TEK: variants seen among roughly 807,000 people sequenced by gnomAD.
TEK encodes TEK receptor tyrosine kinase, also known as angiopoietin-1 receptor.
Under a neutral mutation model 131.8 loss-of-function variants are expected in TEK, and 43 were observed. That is an observed-to-expected ratio of 0.33 (90% CI 0.26 to 0.42). TEK has a LOEUF of 0.42. Ranked by LOEUF, TEK falls within the 10% of genes least tolerant of loss-of-function variation. The pLI is 1.00. For synonymous variants in TEK, 580 were observed against 491.6 expected (o/e 1.18, Z -2.38); for missense variants, 1,162 against 1,384.4 (o/e 0.84, Z 2.55).
At chr9:27,191,448 T>C (rs1451672927) in intron 10 of TEK, among the ~76,000 whole-genome samples, 2 of 152,186 alleles carry the variant, frequency 1.3e-5, no homozygotes, top group Non-Finnish European at 2.9e-5. Context: ...GCTGCTTCAA[T>C]TGGACTATTC....
rs1009323931 is a variant in TEK, at chr9:27,206,511, C to A, written c.2365-71C>A. 3.3e-5 allele frequency: 50 copies of A among 1,499,112 alleles called. 1 individual carries two copies. The Middle Eastern group carries it at 1.0e-3, about 31-fold the overall frequency. The allele number at this position is 1,499,112 out of a possible 1,614,324, so 92.9% of individuals were successfully genotyped here. ...TTTTTTCATCTGGTGTGGATGCCAACCAGAAGACATTATGCCCCTTAGAAT... is the reference window on the plus strand; with the variant it reads ...TTTTTTCATCTGGTGTGGATGCCAAACAGAAGACATTATGCCCCTTAGAAT... On this transcript the variant is annotated intron_variant, in intron 14 of 22. Transcript: ENST00000380036.
At chr9:27,207,869 C>CATATGTTTCTGATTAGA (rs2131217042) in intron 15 of TEK, among the ~76,000 whole-genome samples, 1 of 152,254 alleles carries the variant, frequency 6.6e-6, no homozygotes, top group South Asian at 2.1e-4. Context: ...TGATTAGAAA[C>CATATGTTTCTGATTAGA]AGCAATATGT....
intron 4 of TEK, among the ~76,000 whole-genome samples, chr9:27,172,271 C>A (rs1823986831): frequency 2.6e-5 from 4 of 152,158 alleles, no homozygotes; most frequent in African/African-American, 9.6e-5. Context: ...ATGCTGTCTT[C>A]CCATGCCTTG....
At chr9:27,214,923 G>GGCTT (rs1825763249) in intron 18 of TEK, among the ~76,000 whole-genome samples, 2 of 152,034 alleles carry the variant, frequency 1.3e-5, no homozygotes, top group African/African-American at 4.8e-5. Flanking sequence ...AGCAGGGGTG[G>GGCTT]GCTTGTTTTC....
intron 1 of TEK, among the ~76,000 whole-genome samples, chr9:27,115,493 T>G (rs1436965682): frequency 6.6e-6 from 1 of 150,802 alleles, no homozygotes; most frequent in Non-Finnish European, 1.5e-5. Context: ...AGCGAGACAT[T>G]GTCTCAAAAA....
At chr9:27,124,227 C>G (rs887286239) in intron 1 of TEK, among the ~76,000 whole-genome samples, 2 of 152,242 alleles carry the variant, frequency 1.3e-5, no homozygotes, top group African/African-American at 4.8e-5. Context: ...AACTCAGTGG[C>G]TAAACCAACA....
chr9:27,119,695 C>T (rs1821707461), intron 1 of TEK, among the ~76,000 whole-genome samples: 1 of 152,190 alleles, frequency 6.6e-6, no homozygotes, highest in Non-Finnish European at 1.5e-5. Flanking sequence ...TGCCAGCCCC[C>T]AGTTTCCTCT....
At chr9:27,164,906 A>G (rs1379515999) in intron 2 of TEK, among the ~76,000 whole-genome samples, 15 of 152,184 alleles carry the variant, frequency 9.9e-5, no homozygotes, top group African/African-American at 3.4e-4. Context: ...AAAGGTATTT[A>G]TCGTTTTTAT....
chr9:27,217,882 T>G (rs1825875868), intron 19 of TEK, 124 bp downstream of exon 19: 2 of 856,370 alleles, frequency 2.3e-6, no homozygotes, highest in Non-Finnish European at 3.8e-6. Context: ...ACTAAAAAGC[T>G]CAGGAAATAA....
chr9:27,197,636 A>G, intron 12 of TEK, 37 bp downstream of exon 12: 3 of 1,612,052 alleles, frequency 1.9e-6, no homozygotes, highest in East Asian at 2.2e-5. Flanking sequence ...CATCTGAGCA[A>G]TAAGGGGCTA....
chr9:27,187,260 C>A (rs1824633262), intron 9 of TEK, among the ~76,000 whole-genome samples: 1 of 152,148 alleles, frequency 6.6e-6, no homozygotes, highest in Non-Finnish European at 1.5e-5. Flanking sequence ...GACTGGCAGC[C>A]ATAAAATGTA....
chr9:27,141,300 C>T (rs1822714024), intron 1 of TEK, among the ~76,000 whole-genome samples: 1 of 151,654 alleles, frequency 6.6e-6, no homozygotes, highest in Non-Finnish European at 1.5e-5. Flanking sequence ...TTGATGTATA[C>T]ACCCTGTTTT....
At chr9:27,117,428 G>A (rs1489441436) in intron 1 of TEK, among the ~76,000 whole-genome samples, 2 of 152,110 alleles carry the variant, frequency 1.3e-5, no homozygotes, top group African/African-American at 2.4e-5. Flanking sequence ...TCCTTAACTC[G>A]TGTTACACCT....
chr9:27,136,682 G>C (rs1025296085), intron 1 of TEK, among the ~76,000 whole-genome samples: 3 of 152,156 alleles, frequency 2.0e-5, no homozygotes, highest in Admixed American at 2.0e-4. Context: ...AGTTTCTACA[G>C]AGGCAATGCA....
intron 1 of TEK, among the ~76,000 whole-genome samples, chr9:27,111,410 G>T (rs931967121): frequency 6.6e-6 from 1 of 152,134 alleles, no homozygotes; most frequent in Non-Finnish European, 1.5e-5. Flanking sequence ...AGCCATAGGA[G>T]CCCGTTCCTC....
intron 1 of TEK, among the ~76,000 whole-genome samples, chr9:27,110,384 C>T (rs1762074): frequency 0.94 from 143,287 of 152,166 alleles, 68,007 homozygotes; most frequent in East Asian, 1. Context: ...TTGGGTTCAG[C>T]GTGTTTATTG....
intron 1 of TEK, among the ~76,000 whole-genome samples, chr9:27,137,616 AT>A (rs1822521119): frequency 6.6e-6 from 1 of 152,114 alleles, no homozygotes; most frequent in South Asian, 2.1e-4. Context: ...ATCATTTTAT[AT>A]ATATTTTTAA....
At chr9:27,163,566 CA>C (rs1587538254) in intron 2 of TEK, among the ~76,000 whole-genome samples, 1 of 152,116 alleles carries the variant, frequency 6.6e-6, no homozygotes, top group East Asian at 1.9e-4. Context: ...GAATACAGTT[CA>C]AAGTGGCTGG....
chr9:27,168,744 G>A (rs1197231675), intron 3 of TEK, 139 bp downstream of exon 3: 2 of 719,376 alleles, frequency 2.8e-6, no homozygotes, highest in African/African-American at 3.5e-5. Flanking sequence ...TTCAAATTCT[G>A]TGTATGATAG....
Sources: gnomAD v4.1 joint callset for allele counts (sites outside exome capture counted in the v4.1 genomes callset) on GRCh38, gnomAD v4.1.1 for gene constraint, MANE v1.5 for transcripts, NCBI Gene and HGNC (gene_info 2026-07-23, HGNC 2026-07-21) for gene names.